Variants in TCEA3 observed in about 807,000 individuals in gnomAD.
The protein encoded by TCEA3 is transcription elongation factor A3, also known as transcription elongation factor A protein 3.
In TCEA3, 36 loss-of-function variants were observed where a neutral mutation model predicts 44.0. That is an observed-to-expected ratio of 0.82 (90% confidence interval 0.63 to 1.08). TCEA3 has a LOEUF of 1.08. TCEA3 is among the 50% of genes least tolerant of loss of function. The probability of loss-of-function intolerance (pLI) is 0.00; values close to 1 mark genes in which losing one functional copy is unlikely to be tolerated. For synonymous variants in TCEA3, 162 were observed against 159.7 expected (o/e 1.01, Z -0.11); for missense variants, 392 against 441.2 (o/e 0.89, Z 1.00).
intron 5 of TCEA3, among the ~76,000 whole-genome samples, chr1:23,402,574 C>G (rs762089837): frequency 6.6e-6 from 1 of 152,224 alleles, no homozygotes; most frequent in Non-Finnish European, 1.5e-5. Flanking sequence ...CAGGTCTCAG[C>G]TCGCATGAGG....
chr1:23,407,961 TTTTG>T (rs1199594300), intron 5 of TCEA3, among the ~76,000 whole-genome samples: 1 of 151,930 alleles, frequency 6.6e-6, no homozygotes, highest in East Asian at 1.9e-4. Context: ...TTTTGTTTTG[TTTTG>T]TTTGTTTTGT....
chr1:23,394,666 C>T (rs760844474), intron 7 of TCEA3, among the ~76,000 whole-genome samples: 3 of 152,234 alleles, frequency 2.0e-5, no homozygotes, highest in Non-Finnish European at 2.9e-5. Context: ...CCCTACAAGA[C>T]CTGTTACCAT....
At chr1:23,401,089 C>T (rs1639383238) in intron 5 of TCEA3, among the ~76,000 whole-genome samples, 1 of 152,180 alleles carries the variant, frequency 6.6e-6, no homozygotes, top group Non-Finnish European at 1.5e-5. Context: ...CATCCAACAT[C>T]CTGCTGGGCA....
intron 8 of TCEA3, among the ~76,000 whole-genome samples, chr1:23,388,396 C>A (rs1210710288): frequency 2.0e-5 from 3 of 151,922 alleles, no homozygotes; most frequent in Admixed American, 1.3e-4. Context: ...CGGGGTTTCA[C>A]CATATTGGCC....
chr1:23,422,191 G>T (rs1032423715), intron 1 of TCEA3, among the ~76,000 whole-genome samples: 13 of 152,186 alleles, frequency 8.5e-5, no homozygotes, highest in Admixed American at 6.5e-4. Context: ...GTGTAGCTGT[G>T]CTGCGTGCAT....
intron 1 of TCEA3, chr1:23,423,899 T>C (rs1256979323): frequency 2.2e-6 from 1 of 455,334 alleles, no homozygotes; most frequent in South Asian, 1.6e-5. Flanking sequence ...TCGCCCTCGC[T>C]GCACAGGCCT....
At chr1:23,397,197 C>G (rs1639241877) in intron 7 of TCEA3, among the ~76,000 whole-genome samples, 1 of 152,116 alleles carries the variant, frequency 6.6e-6, no homozygotes, top group Non-Finnish European at 1.5e-5. Flanking sequence ...GTCACAATTT[C>G]TGGATTCAGA....
intron 1 of TCEA3, among the ~76,000 whole-genome samples, chr1:23,420,935 C>T (rs1338647760): frequency 9.2e-5 from 14 of 152,142 alleles, no homozygotes; most frequent in South Asian, 2.1e-4. Flanking sequence ...CACCAGGGGA[C>T]GGTGTCCTGT....
intron 8 of TCEA3, among the ~76,000 whole-genome samples, chr1:23,388,175 G>A (rs1251936573): frequency 3.3e-5 from 5 of 151,600 alleles, no homozygotes; most frequent in Admixed American, 2.6e-4. Context: ...TGGCTGACGC[G>A]AATCTCAAAA....
At position 23,419,995 on chromosome 1, in the gene TCEA3, G is replaced by T. The variant is rs78768380; in HGVS notation, c.70-856C>A. ...AAAAGCACAGCCACCAGCCCCAAAAGCTTCTTCCTGTCCCCTTTCTAATCC... is the reference window on the plus strand; with the variant it reads ...AAAAGCACAGCCACCAGCCCCAAAATCTTCTTCCTGTCCCCTTTCTAATCC... On this transcript the variant is annotated intron_variant, in intron 1 of 10. Transcript: ENST00000450454. 2.1e-3 allele frequency among the ~76,000 whole-genome samples: 313 copies of T among 152,232 alleles called. 1 individual carries two copies. The highest frequency in any genetic ancestry group is 6.8e-3 in the Middle Eastern group (2 of 294).
chr1:23,419,077 C>G lies in TCEA3; in HGVS notation c.132G>C (p.Gln44His). ...CCAAGGCTTCCCACCCCCGCCCCAC[C>G]TGTAGTAGCTGGATGGACATCTGGC... is the stretch of plus-strand genomic sequence containing the variant. ...HSCQMSIQLL[Q>H]TTRIGVAVNG... The change falls in exon 2 of 11, where the codon CAG becomes CAC. Residue 44 changes from glutamine (Q) to histidine (H), a missense_variant and splice_region_variant. Gln to His is a conservative substitution (Grantham distance 24). Transcript: ENST00000450454. 1 of 1,584,922 alleles carries G rather than the reference C, an allele frequency of 6.3e-7. No homozygotes were observed. Among genetic ancestry groups the G allele is most frequent in the Non-Finnish European group, 8.6e-7 (1 of 1,165,120 alleles).
rs78898872 is a variant in TCEA3, at chr1:23,396,714, G to A, written c.664+831C>T. ...TATATTTGGGAGTAAAAAAACAGAG[G>A]GCAGGGCGCTGGGTGTGATGGCTCA... On this transcript the variant is annotated intron_variant, in intron 7 of 10. Transcript: ENST00000450454. 8.3e-3 allele frequency among the ~76,000 whole-genome samples: 1,257 copies of A among 152,030 alleles called. 18 individuals are homozygous for A. The highest frequency in any genetic ancestry group is 0.029 in the African/African-American group (1,196 of 41,482).
At chr1:23,397,005 CAA>C (rs34931042) in intron 7 of TCEA3, among the ~76,000 whole-genome samples, 5,546 of 68,164 alleles carry the variant, frequency 0.081, 177 homozygotes, top group South Asian at 0.33. Context: ...AACTCCGTCT[CAA>C]AAAAAAAAAA....
In TCEA3 at chr1:23,417,394, A is replaced by C. The variant is rs1639925305; in HGVS notation, c.239-4T>G. On this transcript the variant is annotated splice_polypyrimidine_tract_variant and splice_region_variant and intron_variant, in intron 3 of 10. Transcript: ENST00000450454. ...CCTTTTGGGGGTCCAGGGGAGTCTG[A>C]AAACAAAAGGGTGGCATTGTCCCTC... The C allele has an allele frequency of 6.2e-7, 1 of 1,612,016 alleles. No homozygotes were observed. The highest frequency in any genetic ancestry group is 8.5e-7 in the Non-Finnish European group (1 of 1,179,458).
chr1:23,413,866 C>T (rs1005388414), intron 4 of TCEA3, among the ~76,000 whole-genome samples: 29 of 151,918 alleles, frequency 1.9e-4, no homozygotes, highest in African/African-American at 6.7e-4. Context: ...GAAATGAATA[C>T]ATTTATGTAC....
chr1:23,406,501 C>T (rs931209515), intron 5 of TCEA3, among the ~76,000 whole-genome samples: 21 of 152,286 alleles, frequency 1.4e-4, no homozygotes, highest in Non-Finnish European at 2.8e-4. Flanking sequence ...GTTTCTCCTG[C>T]TCTGACCTCT....
At chr1:23,383,870 G>C (rs1334596036) in intron 10 of TCEA3, 1 of 990,782 alleles carries the variant, frequency 1.0e-6, no homozygotes, top group Non-Finnish European at 1.2e-6. Flanking sequence ...GACTTTCAGA[G>C]CTTCCTTAGG....
At chr1:23,393,022 C>T (rs1157561962) in intron 8 of TCEA3, among the ~76,000 whole-genome samples, 3 of 151,986 alleles carry the variant, frequency 2.0e-5, no homozygotes, top group Non-Finnish European at 1.5e-5. Context: ...GCCCTGAGAT[C>T]CCTTGTTTTC....
In TCEA3 at chr1:23,381,452, G is replaced by A; in HGVS notation, c.*14C>T. On this transcript the variant is annotated 3_prime_UTR_variant, in exon 11 of 11. Transcript: ENST00000450454. ...CTTTCTTCTTCCTCACCTTGTTCAT[G>A]GCTGGCTGTTCCATCAGCAGAACTA... is the stretch of plus-strand genomic sequence containing the variant. 1.3e-6 allele frequency: 1 copy of A among 780,708 alleles called. No individual in the cohort carries two copies. The highest frequency in any genetic ancestry group is 2.4e-6 in the Non-Finnish European group (1 of 417,970). The allele number at this position is 780,708 out of a possible 1,614,324, so 48.4% of individuals were successfully genotyped here. A position where few individuals can be genotyped will look rare whatever the true frequency, so the allele number is the denominator to read the frequency against.
Sources: gnomAD v4.1 joint callset for allele counts (sites outside exome capture counted in the v4.1 genomes callset) on GRCh38, gnomAD v4.1.1 for gene constraint, MANE v1.5 for transcripts, NCBI Gene and HGNC (gene_info 2026-07-23, HGNC 2026-07-21) for gene names.